The following HEPH variants were observed in gnomAD, a reference collection of about 807,000 sequenced individuals.
HEPH encodes hephaestin.
In HEPH, 69 loss-of-function variants were observed where a neutral mutation model predicts 80.8. The ratio of observed to expected loss-of-function variants is 0.85; its 90% CI spans 0.70 to 1.04. HEPH has a LOEUF of 1.04. Among genes scored for constraint, HEPH ranks in the 50% least tolerant of loss-of-function variants. HEPH has a pLI of 0.00. For synonymous variants in HEPH, 431 were observed against 322.8 expected, an observed-to-expected ratio of 1.34 and a Z score of -3.60; for missense variants, 1,115 against 891.3, an observed-to-expected ratio of 1.25 and a Z score of -3.20.
intron 15 of HEPH, among the ~76,000 whole-genome samples, chrX:66,216,075 G>A (rs2089376374): frequency 9.0e-6 from 1 of 111,599 alleles, no homozygotes; most frequent in Non-Finnish European, 1.9e-5. Context: ...CCCAAGGAGA[G>A]TCTGAGTTCA....
chrX:66,194,378 G>A (rs970837746), intron 8 of HEPH, among the ~76,000 whole-genome samples: 2 of 111,373 alleles, frequency 1.8e-5, no homozygotes, highest in African/African-American at 6.5e-5. Context: ...TTCAGTATGA[G>A]TGCCCAGTCT....
At position 66,189,799 on chromosome X, in the gene HEPH, C is replaced by G; in HGVS notation, c.924C>G (p.Phe308Leu). 8.3e-7 allele frequency: 1 copy of G among 1,211,250 alleles called. No homozygotes were observed. The highest frequency in any genetic ancestry group is 1.1e-6 in the Non-Finnish European group (1 of 895,392). ...AAATTGATGTCCACACAGCATTTTT[C>G]CATGGACAGATGCTGACTACCCGTG... The part of the protein sequence containing the change: ...GNEIDVHTAF[F>L]HGQMLTTRGH... Residue 308 changes from phenylalanine to leucine, a missense_variant, in exon 6 of 21, where the codon TTC becomes TTG. Physicochemically the swap from Phe to Leu is conservative, Grantham distance 22. Transcript: ENST00000343002.
chrX:66,266,908 TTATCCTACA>T lies in HEPH; in HGVS notation c.*238_*246del. 2.8e-6 allele frequency: 1 copy of T among 353,023 alleles called. No homozygotes were observed. Among genetic ancestry groups the T allele is most frequent in the South Asian group, 7.6e-5 (1 of 13,222 alleles). The allele number at this position is 353,023 out of a possible 1,213,427, so 29.1% of individuals were successfully genotyped here. A position where few individuals can be genotyped will look rare whatever the true frequency, so the allele number is the denominator to read the frequency against. Reference sequence around the variant, plus strand: ...CACCTGGCACTAAGGGAGTACCTTATTATCCTACATCGCAAATTTCAACAGCTACATTAT... The same window carrying T: ...CACCTGGCACTAAGGGAGTACCTTATTCGCAAATTTCAACAGCTACATTAT... On this transcript the variant is annotated 3_prime_UTR_variant, in exon 21 of 21. Transcript: ENST00000343002.
intron 4 of HEPH, among the ~76,000 whole-genome samples, chrX:66,180,331 G>C (rs756705382): frequency 9.0e-6 from 1 of 110,981 alleles, no homozygotes; most frequent in Non-Finnish European, 1.9e-5. Context: ...GCGTATGTTT[G>C]TCTGAAAATG....
intron 10 of HEPH, 124 bp downstream of exon 10, chrX:66,198,018 G>C: frequency 1.8e-5 from 10 of 559,439 alleles, no homozygotes; most frequent in South Asian, 1.5e-4. Flanking sequence ...TAATCAAGCT[G>C]GTCCATCAGA....
At chrX:66,220,833 A>T (rs1278824303) in intron 15 of HEPH, among the ~76,000 whole-genome samples, 1 of 111,355 alleles carries the variant, frequency 9.0e-6, no homozygotes, top group African/African-American at 3.3e-5. Flanking sequence ...GGAGGCTCAG[A>T]TGGATCATAA....
intron 1 of HEPH, chrX:66,169,920 T>C (rs2086517093): frequency 8.9e-6 from 1 of 112,066 alleles, no homozygotes. Context: ...GTGTCTATTT[T>C]TTTAAACATT....
intron 15 of HEPH, among the ~76,000 whole-genome samples, chrX:66,234,268 A>G (rs754577194): frequency 9.0e-6 from 1 of 111,347 alleles, no homozygotes; most frequent in East Asian, 2.8e-4. Context: ...TGCGTAATCT[A>G]CAGTGTACTT....
chrX:66,238,255 G>A (rs933394181), intron 15 of HEPH, among the ~76,000 whole-genome samples: 3 of 111,255 alleles, frequency 2.7e-5, no homozygotes, highest in Admixed American at 1.9e-4. Flanking sequence ...GCTGGTAATG[G>A]TCTTTCCTTT....
intron 15 of HEPH, among the ~76,000 whole-genome samples, chrX:66,253,224 T>C (rs762045322): frequency 1.7e-4 from 19 of 112,319 alleles, no homozygotes; most frequent in African/African-American, 6.1e-4. Context: ...CATAAGGAAC[T>C]ATTGCTTGAT....
At chrX:66,266,289 A>G in intron 20 of HEPH, 151 bp from the exon 21 acceptor site, 2 of 456,884 alleles carry the variant, frequency 4.4e-6, no homozygotes, top group Admixed American at 4.0e-5. Context: ...TAACCTCTAA[A>G]TCTGTCTTCA....
At chrX:66,267,628 G>A (rs1218266249), downstream of HEPH, 1 of 111,559 alleles carries the variant, frequency 9.0e-6, no homozygotes, top group Non-Finnish European at 1.9e-5. Context: ...AAGAAAATTT[G>A]CCAGAGGGAA....
At chrX:66,234,693 G>T (rs1397807218) in intron 15 of HEPH, among the ~76,000 whole-genome samples, 1 of 109,767 alleles carries the variant, frequency 9.1e-6, no homozygotes, top group Admixed American at 9.8e-5. Flanking sequence ...CTAGACTGCA[G>T]TTGCATAATC....
chrX:66,209,456 CT>C (rs1569339029), intron 15 of HEPH, among the ~76,000 whole-genome samples: 1 of 111,490 alleles, frequency 9.0e-6, no homozygotes, highest in Admixed American at 9.6e-5. Context: ...AGAAACTACA[CT>C]TTGGAAACAG....
chrX:66,167,201 A>C (rs987222562), intron 1 of HEPH, among the ~76,000 whole-genome samples: 13 of 112,269 alleles, frequency 1.2e-4, no homozygotes, highest in African/African-American at 4.2e-4. Flanking sequence ...TGGATGCAAA[A>C]TCGAGTAAGT....
chrX:66,224,821 ATC>A lies in HEPH; in HGVS notation c.2563+16591_2563+16592del, dbSNP rs747571260. 1.5e-4 allele frequency among the ~76,000 whole-genome samples: 16 copies of A among 105,494 alleles called. No homozygotes were observed. The East Asian group carries it at 2.1e-3, about 14-fold the overall frequency. The allele number at this position is 105,494 out of a possible 115,157, so 91.6% of individuals were successfully genotyped here. On this transcript the variant is annotated intron_variant, in intron 15 of 20. Coordinates refer to ENST00000343002, the MANE Select transcript of HEPH (RefSeq NM_001367233.3). ...CACTTTTTTTTTCTTAACTACTTGT[ATC>A]TCTCTCTCTCTCTCTTTCTTTCTCT...
intron 4 of HEPH, among the ~76,000 whole-genome samples, chrX:66,182,165 A>G (rs751256123): frequency 0.27 from 16,150 of 59,334 alleles, 1,703 homozygotes; most frequent in African/African-American, 0.44. Context: ...TTGGCTTAGG[A>G]TTGACTTGGC....
At chrX:66,203,660 T>A in intron 13 of HEPH, 83 bp downstream of exon 13, 6 of 816,229 alleles carry the variant, frequency 7.4e-6, no homozygotes, top group Non-Finnish European at 1.1e-5. Context: ...ATGAGGAGAC[T>A]CTTATCTCAG....
intron 6 of HEPH, among the ~76,000 whole-genome samples, chrX:66,191,219 C>T (rs1469985147): frequency 9.0e-6 from 1 of 111,715 alleles, no homozygotes; most frequent in Non-Finnish European, 1.9e-5. Flanking sequence ...TTTAACCTGT[C>T]TGACCTTTAG....
Sources: gnomAD v4.1 joint callset for allele counts (sites outside exome capture counted in the v4.1 genomes callset) on GRCh38, gnomAD v4.1.1 for gene constraint, MANE v1.5 for transcripts, NCBI Gene and HGNC (gene_info 2026-07-23, HGNC 2026-07-21) for gene names.